The following FOXK2 variants were observed in gnomAD, a reference collection of about 807,000 sequenced individuals.
FOXK2 encodes the protein forkhead box K2.
FOXK2 carries 24 observed loss-of-function variants against 53.3 expected under a neutral mutation model. That is an observed-to-expected ratio of 0.45 (90% CI 0.33 to 0.63). The LOEUF (loss-of-function observed/expected upper bound fraction) is 0.63. Among genes scored for constraint, FOXK2 ranks in the 30% least tolerant of loss-of-function variants. The pLI, the probability that FOXK2 is intolerant of heterozygous loss-of-function variation, is 0.03. For missense variants in FOXK2, 952 were observed against 910.5 expected, an observed-to-expected ratio of 1.05 and a Z score of -0.59; for synonymous variants, 505 against 407.1, an observed-to-expected ratio of 1.24 and a Z score of -2.89.
intron 1 of FOXK2, 35 bp downstream of exon 1, chr17:82,520,342 C>G (rs969392308): frequency 7.3e-6 from 9 of 1,239,582 alleles, no homozygotes. Context: ...GCGGGGTCTG[C>G]GGCCTGCAGC....
chr17:82,589,994 C>G (rs911107797), intron 8 of FOXK2, among the ~76,000 whole-genome samples: 2 of 151,570 alleles, frequency 1.3e-5, no homozygotes, highest in South Asian at 4.2e-4. Flanking sequence ...TGCAGTGAGC[C>G]GAGTTCAGAC....
intron 3 of FOXK2, among the ~76,000 whole-genome samples, chr17:82,570,941 T>TG (rs965302992): frequency 1.3e-4 from 20 of 152,160 alleles, no homozygotes; most frequent in African/African-American, 4.3e-4. Flanking sequence ...GAAGCCTCCA[T>TG]GGGGCTCTTC....
chr17:82,590,302 T>C (rs990069584), intron 8 of FOXK2, among the ~76,000 whole-genome samples: 1 of 152,130 alleles, frequency 6.6e-6, no homozygotes, highest in African/African-American at 2.4e-5. Context: ...CAGGTGCTCA[T>C]AATTTTGGCC....
At position 82,576,290 on chromosome 17, in the gene FOXK2, C is replaced by T. The variant is rs578027757; in HGVS notation, c.909+4420C>T. On this transcript the variant is annotated intron_variant, in intron 4 of 8. Transcript: ENST00000335255. Reference sequence around the variant, plus strand: ...GCGGCGGCGGGTTCGTCCACACCAGCGTGTGTGCTCGGGGAAGGACCCCCC... The same window carrying T: ...GCGGCGGCGGGTTCGTCCACACCAGTGTGTGTGCTCGGGGAAGGACCCCCC... Among the ~76,000 whole-genome samples the T allele has an allele frequency of 1.7e-3, 252 of 151,742 alleles. 1 individual carries two copies. The highest frequency in any genetic ancestry group is 2.2e-4 in the Non-Finnish European group (15 of 67,896).
At chr17:82,547,080 A>AG in intron 1 of FOXK2, among the ~76,000 whole-genome samples, 1 of 151,290 alleles carries the variant, frequency 6.6e-6, no homozygotes, top group East Asian at 1.9e-4. Context: ...CTCCATCAAA[A>AG]AAAAAAAAAA....
At chr17:82,585,865 A>G (rs774643036) in intron 6 of FOXK2, 39 bp from the exon 7 acceptor site, 10 of 1,579,652 alleles carry the variant, frequency 6.3e-6, no homozygotes, top group East Asian at 2.3e-5. Flanking sequence ...TGTAGAAGTC[A>G]GTATCTGTAA....
At chr17:82,570,651 T>G (rs575352165) in intron 3 of FOXK2, among the ~76,000 whole-genome samples, 91 of 152,384 alleles carry the variant, frequency 6.0e-4, no homozygotes, top group African/African-American at 2.1e-3. Flanking sequence ...TTGAACAGTA[T>G]CTATAATTGT....
intron 4 of FOXK2, among the ~76,000 whole-genome samples, chr17:82,581,404 A>G (rs1296890476): frequency 1.3e-5 from 2 of 151,338 alleles, no homozygotes; most frequent in Non-Finnish European, 2.9e-5. Flanking sequence ...GCTTCAAGCA[A>G]TTCTTCAGCT....
At chr17:82,542,148 AT>A (rs1051849649) in intron 1 of FOXK2, among the ~76,000 whole-genome samples, 18 of 133,670 alleles carry the variant, frequency 1.3e-4, no homozygotes, top group Admixed American at 3.1e-4. Flanking sequence ...CCCTCCACAA[AT>A]TTTTTTTTTC....
Position 82,568,152 on chromosome 17 carries a change from A to T in FOXK2, c.713A>T (p.Asn238Ile). 1 of 1,613,596 alleles carries T rather than the reference A, an allele frequency of 6.2e-7. No individual in the cohort carries two copies. The highest frequency in any genetic ancestry group is 8.5e-7 in the Non-Finnish European group (1 of 1,179,950). Residue 238 changes from asparagine to isoleucine, a missense_variant, in exon 3 of 9, where the codon AAC becomes ATC. Physicochemically the swap from Asn to Ile is moderately radical, Grantham distance 149. This residue lies in a region of FOXK2 where 160 missense variants were observed against 214.2 expected (regional missense o/e 0.75). Coordinates refer to ENST00000335255, the MANE Select transcript of FOXK2 (RefSeq NM_004514.4). ...MPSDLNLMAD[N>I]SQPENEKEAS... ...TCTGACCTCAATTTAATGGCTGACA[A>T]CTCACAGCCTGAAAATGAAAAGGAA...
At chr17:82,572,063 G>A (rs2044924735) in intron 4 of FOXK2, 193 bp downstream of exon 4, 1 of 481,336 alleles carries the variant, frequency 2.1e-6, no homozygotes, top group East Asian at 3.5e-5. Flanking sequence ...GGAGCAGAAG[G>A]AAGCGTGGTT....
At chr17:82,535,815 T>G (rs1449642726) in intron 1 of FOXK2, among the ~76,000 whole-genome samples, 1 of 151,404 alleles carries the variant, frequency 6.6e-6, no homozygotes, top group Non-Finnish European at 1.5e-5. Context: ...TGGCGCGATC[T>G]GGGCTCACTG....
chr17:82,597,135 G>C (rs552123187), intron 8 of FOXK2, among the ~76,000 whole-genome samples: 1 of 152,218 alleles, frequency 6.6e-6, no homozygotes, highest in African/African-American at 2.4e-5. Context: ...CACAGGTCAC[G>C]TGGGCCCGAG....
chr17:82,585,994 C>A lies in FOXK2; in HGVS notation c.1370C>A (p.Pro457Gln). ...CCTGTCACCTACACTGTGGCCACCC[C>A]AGTGACCACCTCGACCTCCCAGCCA... ...IKPVTYTVAT[P>Q]VTTSTSQPPV... is the part of the protein sequence containing the mutation. The change falls in exon 7 of 9, where the codon CCA becomes CAA. Residue 457 changes from proline to glutamine, a missense_variant. By Grantham distance (76) the Pro-to-Gln change is moderately conservative (BLOSUM62 -1). Transcript: ENST00000335255. 2 of 1,612,806 alleles carry A rather than the reference C, an allele frequency of 1.2e-6. No homozygotes were observed. Among genetic ancestry groups the A allele is most frequent in the Non-Finnish European group, 1.7e-6 (2 of 1,179,946 alleles).
intron 4 of FOXK2, among the ~76,000 whole-genome samples, chr17:82,572,821 G>T (rs1289873784): frequency 3.3e-5 from 5 of 152,024 alleles, no homozygotes; most frequent in Non-Finnish European, 7.4e-5. Flanking sequence ...ATGGTGCAGG[G>T]GCAACTGTTT....
chr17:82,556,373 G>A (rs1233099791), intron 1 of FOXK2, among the ~76,000 whole-genome samples: 1 of 151,958 alleles, frequency 6.6e-6, no homozygotes, highest in Admixed American at 6.6e-5. Context: ...GAACCAGGGA[G>A]TCGAAGGTTG....
At chr17:82,562,581 TA>T (rs376861309) in intron 1 of FOXK2, among the ~76,000 whole-genome samples, 59 of 142,886 alleles carry the variant, frequency 4.1e-4, no homozygotes, top group African/African-American at 5.9e-4. Context: ...ACTCTGTTTC[TA>T]AAAAAAAAAA....
At chr17:82,587,594 C>A in intron 8 of FOXK2, 1 of 403,148 alleles carries the variant, frequency 2.5e-6, no homozygotes, top group Non-Finnish European at 4.7e-6. Flanking sequence ...GTGTCTTTTC[C>A]CTTGGCCTCG....
At chr17:82,596,271 G>A (rs1362663981) in intron 8 of FOXK2, 7 of 918,112 alleles carry the variant, frequency 7.6e-6, no homozygotes, top group African/African-American at 1.8e-5. Flanking sequence ...GTTCGCTGAC[G>A]CCTTAATTCT....
Sources: gnomAD v4.1 joint callset for allele counts (sites outside exome capture counted in the v4.1 genomes callset) on GRCh38, gnomAD v4.1.1 for gene constraint, gnomAD v4.1.1 regional missense constraint, MANE v1.5 for transcripts, NCBI Gene and HGNC (gene_info 2026-07-23, HGNC 2026-07-21) for gene names.